Variants in PRPF18 observed in about 807,000 individuals in gnomAD.
PRPF18 encodes the protein pre-mRNA processing factor 18, also known as pre-mRNA-splicing factor 18.
PRPF18 carries 38 observed loss-of-function variants against 46.5 expected under a neutral mutation model. That is an observed-to-expected ratio of 0.82 (90% CI 0.63 to 1.07). The LOEUF is 1.07. Among genes scored for constraint, PRPF18 ranks in the 50% least tolerant of loss-of-function variants. PRPF18 has a pLI of 0.00. For synonymous variants in PRPF18, 152 were observed against 146.7 expected (o/e 1.04, Z -0.26); for missense variants, 263 against 410.0 (o/e 0.64, Z 3.10).
At chr10:13,589,272 C>G (rs1201610936) in intron 1 of PRPF18, among the ~76,000 whole-genome samples, 1 of 152,168 alleles carries the variant, frequency 6.6e-6, no homozygotes, top group Non-Finnish European at 1.5e-5. Flanking sequence ...CCATGGTTTG[C>G]CGGGTGTTCT....
At chr10:13,636,647 T>TC in the PRPF18 span, among the ~76,000 whole-genome samples, 1 of 152,184 alleles carries the variant, frequency 6.6e-6, no homozygotes, top group African/African-American at 2.4e-5. Context: ...ATGATAGGTT[T>TC]TTCACAAAGT....
chr10:13,617,147 T>C (rs566613448), intron 9 of PRPF18, among the ~76,000 whole-genome samples: 23 of 152,342 alleles, frequency 1.5e-4, no homozygotes, highest in Admixed American at 3.3e-4. Flanking sequence ...AAATCGACTA[T>C]AATGTAGTGT....
intron 9 of PRPF18, among the ~76,000 whole-genome samples, chr10:13,629,961 C>T (rs969746219): frequency 1.2e-4 from 18 of 152,296 alleles, no homozygotes; most frequent in Admixed American, 8.5e-4. Flanking sequence ...ATTTTTACTG[C>T]TGTAAGATAT....
At chr10:13,613,608 T>G in intron 6 of PRPF18, 133 bp from the exon 7 acceptor site, 3 of 997,072 alleles carry the variant, frequency 3.0e-6, no homozygotes, top group Non-Finnish European at 4.4e-6. Context: ...TTATTCTATA[T>G]TATTTGGTGG....
chr10:13,640,402 G>C, the PRPF18 span: 1 of 152,196 alleles, frequency 6.6e-6, no homozygotes, highest in African/African-American at 2.4e-5. Context: ...ATGAGACCCA[G>C]GTCCTCTTCT....
In PRPF18 at chr10:13,591,050, G is replaced by A. The variant is rs117289110; in HGVS notation, c.66+3898G>A. On this transcript the variant is annotated intron_variant, in intron 1 of 9. Transcript: ENST00000378572. ...TGTTTTCATGGATGATGAAATTGAG[G>A]CTTAGAGGGTTACACGATGTTCTCA... Among the ~76,000 whole-genome samples, 129 of 152,290 alleles carry A rather than the reference G, an allele frequency of 8.5e-4. 2 individuals are homozygous for A. In the East Asian group the frequency reaches 0.023, roughly 27 times the overall value.
At chr10:13,627,727 G>A (rs993468588) in intron 9 of PRPF18, among the ~76,000 whole-genome samples, 1 of 152,182 alleles carries the variant, frequency 6.6e-6, no homozygotes, top group Non-Finnish European at 1.5e-5. Flanking sequence ...ACTAGTATAT[G>A]TTTTTAAATC....
At chr10:13,647,076 T>TGGA in the PRPF18 span, 2 of 415,504 alleles carry the variant, frequency 4.8e-6, no homozygotes, top group Non-Finnish European at 6.5e-6. Flanking sequence ...AGTTAGTTAG[T>TGGA]GGAGGAGGAT....
intron 1 of PRPF18, among the ~76,000 whole-genome samples, chr10:13,588,861 A>G (rs1447892747): frequency 6.6e-6 from 1 of 152,202 alleles, no homozygotes; most frequent in African/African-American, 2.4e-5. Context: ...TCACACTCTT[A>G]AAAGTTACTG....
At chr10:13,622,915 C>T (rs1457064142) in intron 9 of PRPF18, among the ~76,000 whole-genome samples, 4 of 152,140 alleles carry the variant, frequency 2.6e-5, no homozygotes, top group Admixed American at 2.0e-4. Context: ...AGAGTTCCCA[C>T]AGGCCGGGCA....
At chr10:13,654,592 A>C in the PRPF18 span, 1 of 866,524 alleles carries the variant, frequency 1.2e-6, no homozygotes, top group Non-Finnish European at 1.9e-6. Flanking sequence ...TTGTTGGCTG[A>C]CACCAACCCA....
chr10:13,648,974 C>T, the PRPF18 span, among the ~76,000 whole-genome samples: 1 of 151,620 alleles, frequency 6.6e-6, no homozygotes, highest in Non-Finnish European at 1.5e-5. Flanking sequence ...CTTTCAGAGG[C>T]CTGAAATGTA....
downstream of PRPF18, among the ~76,000 whole-genome samples, chr10:13,634,890 C>CA (rs1386409344): frequency 6.6e-6 from 1 of 151,566 alleles, no homozygotes; most frequent in Non-Finnish European, 1.5e-5. Flanking sequence ...TTTTGAATTT[C>CA]AAACTTTTAT....
At chr10:13,636,690 G>A in the PRPF18 span, among the ~76,000 whole-genome samples, 3 of 152,196 alleles carry the variant, frequency 2.0e-5, no homozygotes, top group East Asian at 1.9e-4. Context: ...AGTAACTAGC[G>A]CCCCAATCAG....
downstream of PRPF18, among the ~76,000 whole-genome samples, chr10:13,635,390 T>A (rs922825501): frequency 1.3e-5 from 2 of 152,266 alleles, no homozygotes; most frequent in Non-Finnish European, 2.9e-5. Context: ...GAATGATTTA[T>A]ATTCCTTTGG....
chr10:13,613,621 T>C, intron 6 of PRPF18, 120 bp from the exon 7 acceptor site: 1 of 1,123,198 alleles, frequency 8.9e-7, no homozygotes, highest in South Asian at 1.7e-5. Context: ...TTTGGTGGCA[T>C]TTTAATCAAG....
intron 6 of PRPF18, among the ~76,000 whole-genome samples, chr10:13,612,869 G>A (rs1281837547): frequency 1.3e-5 from 2 of 151,838 alleles, no homozygotes; most frequent in African/African-American, 2.4e-5. Context: ...GATTCCAACC[G>A]TCTTCTCAAC....
intron 9 of PRPF18, among the ~76,000 whole-genome samples, chr10:13,627,114 T>G (rs2080519674): frequency 6.6e-6 from 1 of 152,190 alleles, no homozygotes; most frequent in Admixed American, 6.5e-5. Context: ...GCTCTGTTGT[T>G]CAGAACCCTG....
At chr10:13,616,151 C>A (rs1564459440) in intron 8 of PRPF18, among the ~76,000 whole-genome samples, 1 of 151,958 alleles carries the variant, frequency 6.6e-6, no homozygotes, top group African/African-American at 2.4e-5. Flanking sequence ...GAATGTTTGC[C>A]TTTTTTTTAC....
Sources: gnomAD v4.1 joint callset for allele counts (sites outside exome capture counted in the v4.1 genomes callset) on GRCh38, gnomAD v4.1.1 for gene constraint, MANE v1.5 for transcripts, NCBI Gene and HGNC (gene_info 2026-07-23, HGNC 2026-07-21) for gene names.